The following SCARA3 variants were observed in gnomAD, a reference collection of about 807,000 sequenced individuals.
SCARA3 encodes scavenger receptor class A member 3, also known as cellular stress response gene protein.
Under a neutral mutation model 47.0 loss-of-function variants are expected in SCARA3, and 39 were observed. The ratio of observed to expected loss-of-function variants is 0.83; its 90% CI spans 0.64 to 1.08. The LOEUF (loss-of-function observed/expected upper bound fraction) is 1.08. Ranked by LOEUF, SCARA3 falls within the 50% of genes least tolerant of loss-of-function variation. The pLI is 0.00. For synonymous variants in SCARA3, 356 were observed against 334.1 expected (o/e 1.07, Z -0.71); for missense variants, 724 against 792.3 (o/e 0.91, Z 1.04).
the SCARA3 span, among the ~76,000 whole-genome samples, chr8:27,710,487 T>TA: frequency 1.3e-5 from 2 of 152,118 alleles, no homozygotes; most frequent in African/African-American, 4.8e-5. Flanking sequence ...ATAACGAAAG[T>TA]AAAGATCAAT....
At chr8:27,649,628 G>A in intron 1 of SCARA3, 74 bp from the exon 2 acceptor site, 1 of 1,388,306 alleles carries the variant, frequency 7.2e-7, no homozygotes, top group East Asian at 2.3e-5. Context: ...TGGGATATGG[G>A]GACAGGTAAA....
chr8:27,672,850 A>G lies in SCARA3; in HGVS notation c.*1499A>G. ...TAGAGTTGTCTCCTTCCCAACACGGACCCAGAGAGCAGCCCTTCCCTGCTC... is the reference window on the plus strand; with the variant it reads ...TAGAGTTGTCTCCTTCCCAACACGGGCCCAGAGAGCAGCCCTTCCCTGCTC... On this transcript the variant is annotated 3_prime_UTR_variant, in exon 6 of 6. Coordinates refer to ENST00000301904, the MANE Select transcript of SCARA3 (RefSeq NM_016240.3). The G allele has an allele frequency of 1.0e-6, 1 of 985,578 alleles. No individual in the cohort carries two copies. 61.1% of individuals were successfully genotyped at this position (985,578 alleles called of 1,614,324 possible). A position where few individuals can be genotyped will look rare whatever the true frequency, so the allele number is the denominator to read the frequency against.
rs1036791415 is a variant in SCARA3, at chr8:27,658,402, A to G, written c.326-94A>G. The G allele has an allele frequency of 3.4e-5, 42 of 1,251,692 alleles. No individual in the cohort carries two copies. In the African/African-American group the frequency reaches 6.0e-4, roughly 18 times the overall value. The allele number at this position is 1,251,692 out of a possible 1,614,324, so 77.5% of individuals were successfully genotyped here. On this transcript the variant is annotated intron_variant, in intron 4 of 5. Coordinates refer to ENST00000301904, the MANE Select transcript of SCARA3 (RefSeq NM_016240.3). ...AGGAAGTTGGTTTGGGAAGCTACTA[A>G]CCAATTTCTTATGCTCTGAAATATT...
chr8:27,722,043 T>C, the SCARA3 span, among the ~76,000 whole-genome samples: 1 of 152,198 alleles, frequency 6.6e-6, no homozygotes, highest in Non-Finnish European at 1.5e-5. Flanking sequence ...AAGTTAATGA[T>C]AGCATCACTG....
chr8:27,686,512 G>T, the SCARA3 span, among the ~76,000 whole-genome samples: 2 of 151,938 alleles, frequency 1.3e-5, no homozygotes, highest in Admixed American at 1.3e-4. Flanking sequence ...ATACTACAAA[G>T]AAGTATTTTA....
chr8:27,651,368 G>A, intron 2 of SCARA3, 140 bp from the exon 3 acceptor site: 3 of 1,011,854 alleles, frequency 3.0e-6, no homozygotes, highest in Non-Finnish European at 4.2e-6. Flanking sequence ...GACAGGTAGA[G>A]AATGAGGGTC....
chr8:27,723,080 C>T, the SCARA3 span, among the ~76,000 whole-genome samples: 1 of 152,192 alleles, frequency 6.6e-6, no homozygotes, highest in South Asian at 2.1e-4. Context: ...CCTTTCCTTC[C>T]ATAACCCACT....
chr8:27,700,830 T>C, the SCARA3 span, among the ~76,000 whole-genome samples: 1 of 152,194 alleles, frequency 6.6e-6, no homozygotes, highest in Non-Finnish European at 1.5e-5. Context: ...CATGCATTAA[T>C]GGTGAAACTG....
At chr8:27,676,917 G>T (rs1369970278), downstream of SCARA3, 1 of 187,350 alleles carries the variant, frequency 5.3e-6, no homozygotes, top group South Asian at 1.5e-4. Flanking sequence ...GAATATCCAC[G>T]TGATTTTACC....
At chr8:27,713,318 G>A in the SCARA3 span, among the ~76,000 whole-genome samples, 1 of 152,258 alleles carries the variant, frequency 6.6e-6, no homozygotes, top group African/African-American at 2.4e-5. Context: ...CGTAAGTGAT[G>A]TGTTCTCACT....
At chr8:27,704,594 T>C in the SCARA3 span, among the ~76,000 whole-genome samples, 4 of 152,192 alleles carry the variant, frequency 2.6e-5, no homozygotes, top group African/African-American at 9.7e-5. Context: ...TCACCTTCCT[T>C]CAGGTCCGTG....
the SCARA3 span, among the ~76,000 whole-genome samples, chr8:27,729,438 T>C: frequency 6.6e-6 from 1 of 152,022 alleles, no homozygotes; most frequent in Non-Finnish European, 1.5e-5. Context: ...CTATTCCTCA[T>C]CTCCCAGTGG....
the SCARA3 span, among the ~76,000 whole-genome samples, chr8:27,695,743 A>G: frequency 3.3e-5 from 5 of 152,314 alleles, no homozygotes; most frequent in African/African-American, 1.2e-4. Context: ...TAAATAAATT[A>G]AAACGTTTAT....
chr8:27,719,439 A>G, the SCARA3 span, among the ~76,000 whole-genome samples: 1 of 152,106 alleles, frequency 6.6e-6, no homozygotes, highest in Non-Finnish European at 1.5e-5. Flanking sequence ...TTAATGGCTT[A>G]ATACCTGGGT....
chr8:27,651,760 G>T, intron 3 of SCARA3, 133 bp downstream of exon 3: 8 of 1,258,172 alleles, frequency 6.4e-6, no homozygotes, highest in South Asian at 1.4e-5. Context: ...TTCCTGGCTA[G>T]GGGATCTCTA....
chr8:27,648,021 A>G (rs1178166912), intron 1 of SCARA3, among the ~76,000 whole-genome samples: 9 of 152,180 alleles, frequency 5.9e-5, no homozygotes, highest in Admixed American at 5.9e-4. Flanking sequence ...CAGCTCATTC[A>G]TGTACCACCC....
chr8:27,640,512 TGGGACTATAAGCA>T (rs1400013837), intron 1 of SCARA3, among the ~76,000 whole-genome samples: 1 of 152,156 alleles, frequency 6.6e-6, no homozygotes, highest in Non-Finnish European at 1.5e-5. Context: ...CCCAAGTAGC[TGGGACTATAAGCA>T]GGTGCCACCA....
At chr8:27,730,948 T>C in the SCARA3 span, among the ~76,000 whole-genome samples, 10 of 151,182 alleles carry the variant, frequency 6.6e-5, no homozygotes, top group Admixed American at 5.3e-4. Flanking sequence ...AGAAAAATTC[T>C]TCCTGATCCC....
chr8:27,641,396 C>T (rs112236255), intron 1 of SCARA3, among the ~76,000 whole-genome samples: 1 of 152,198 alleles, frequency 6.6e-6, no homozygotes, highest in Admixed American at 6.5e-5. Context: ...AGGGGGTGAG[C>T]TCATCTTTGG....
Sources: allele counts gnomAD v4.1 joint callset (sites outside exome capture counted in the v4.1 genomes callset), GRCh38; gene constraint gnomAD v4.1.1; transcripts MANE v1.5; gene names NCBI Gene and HGNC (gene_info 2026-07-23, HGNC 2026-07-21).